SRBD1: variants seen among roughly 807,000 people sequenced by gnomAD.
The protein encoded by SRBD1 is S1 RNA binding domain 1, also known as S1 RNA-binding domain-containing protein 1.
In SRBD1, 88 loss-of-function variants were observed where a neutral mutation model predicts 115.3. The ratio of observed to expected loss-of-function variants is 0.76; its 90% confidence interval spans 0.64 to 0.91. SRBD1 has a LOEUF of 0.91. SRBD1 is among the 40% of genes least tolerant of loss of function. SRBD1 has a pLI of 0.00. For synonymous variants in SRBD1, 509 were observed against 407.7 expected (o/e 1.25, Z -2.99); for missense variants, 1,385 against 1,177.4 (o/e 1.18, Z -2.58).
chr2:45,392,735 G>A (rs1385142840), intron 20 of SRBD1, among the ~76,000 whole-genome samples: 1 of 152,178 alleles, frequency 6.6e-6, no homozygotes, highest in African/African-American at 2.4e-5. Context: ...AGTGAACAAG[G>A]GGTCCAGGGA....
chr2:45,429,503 T>C (rs1668265402), intron 16 of SRBD1, among the ~76,000 whole-genome samples: 1 of 151,950 alleles, frequency 6.6e-6, no homozygotes, highest in Non-Finnish European at 1.5e-5. Context: ...CACAAATTAC[T>C]AAACGTAATC....
At chr2:45,529,896 C>T (rs1213582682) in intron 14 of SRBD1, among the ~76,000 whole-genome samples, 1 of 151,942 alleles carries the variant, frequency 6.6e-6, no homozygotes, top group Non-Finnish European at 1.5e-5. Context: ...CATCTGTATC[C>T]CTCAAATTTT....
intron 4 of SRBD1, 41 bp downstream of exon 4, chr2:45,599,408 C>G: frequency 1.3e-6 from 2 of 1,577,724 alleles, no homozygotes; most frequent in Non-Finnish European, 1.7e-6. Context: ...AAAAAGAAAG[C>G]ACTCAAAACA....
chr2:45,492,241 T>C (rs951376267), intron 14 of SRBD1, among the ~76,000 whole-genome samples: 1 of 152,256 alleles, frequency 6.6e-6, no homozygotes, highest in African/African-American at 2.4e-5. Context: ...AGAATTGATA[T>C]CTCTACAGTT....
chr2:45,408,259 G>A (rs1667494081), intron 19 of SRBD1, among the ~76,000 whole-genome samples: 1 of 152,190 alleles, frequency 6.6e-6, no homozygotes, highest in Non-Finnish European at 1.5e-5. Context: ...GCTGAGTGAT[G>A]TTTAAACTAA....
intron 16 of SRBD1, among the ~76,000 whole-genome samples, chr2:45,455,825 C>T (rs181206079): frequency 2.0e-4 from 30 of 151,900 alleles, no homozygotes; most frequent in Admixed American, 2.0e-3. Flanking sequence ...TGGAATTAAA[C>T]AGCAAATTTT....
At position 45,578,589 on chromosome 2, in the gene SRBD1, T is replaced by C. The variant is rs145956320; in HGVS notation, c.1072+1286A>G. On this transcript the variant is annotated intron_variant, in intron 7 of 20. Transcript: ENST00000263736. The stretch of plus-strand genomic sequence containing the variant: ...AAACAGGCTATAGTATGCTATAATT[T>C]TCTACAGATTAGTACATACTGTGGA... Among the ~76,000 whole-genome samples, 350 of 152,336 alleles carry C rather than the reference T, an allele frequency of 2.3e-3. 2 individuals carry two copies. The highest frequency in any genetic ancestry group is 8.2e-3 in the African/African-American group (343 of 41,578).
intron 16 of SRBD1, among the ~76,000 whole-genome samples, chr2:45,452,402 T>A (rs1187341906): frequency 2.0e-5 from 3 of 151,974 alleles, no homozygotes; most frequent in Admixed American, 1.3e-4. Context: ...TGCCCCCAAG[T>A]AAGCATCTAA....
intron 18 of SRBD1, among the ~76,000 whole-genome samples, chr2:45,413,594 C>G (rs1241329638): frequency 6.6e-6 from 1 of 152,030 alleles, no homozygotes; most frequent in African/African-American, 2.4e-5. Context: ...AACAAGCTCT[C>G]AAAAGAATCT....
rs560999041 is a variant in SRBD1, at chr2:45,544,047, C to T, written c.1874+2685G>A. Among the ~76,000 whole-genome samples, 33 of 151,910 alleles carry T rather than the reference C, an allele frequency of 2.2e-4. No homozygotes were observed. In the East Asian group the frequency reaches 5.8e-3, roughly 27 times the overall value. On this transcript the variant is annotated intron_variant, in intron 14 of 20. Coordinates refer to ENST00000263736, the MANE Select transcript of SRBD1 (RefSeq NM_018079.5). ...AAGGCACCAAAGATCCTGGCTAATA[C>T]GGTGAAAACCCATCTCTACTAAAAA...
intron 10 of SRBD1, among the ~76,000 whole-genome samples, chr2:45,558,157 C>T (rs1338549733): frequency 2.0e-5 from 3 of 152,136 alleles, no homozygotes; most frequent in Non-Finnish European, 4.4e-5. Context: ...ACACAAAAAT[C>T]TGCAAACTCA....
rs3047186 is a variant in SRBD1, at chr2:45,432,003, GTATTTATT to G, written c.2050-12117_2050-12110del. 1.7e-3 allele frequency among the ~76,000 whole-genome samples: 237 copies of G among 142,914 alleles called. 1 individual carries two copies. The East Asian group carries it at 0.033, about 20-fold the overall frequency. The allele number at this position is 142,914 out of a possible 152,430, so 93.8% of individuals were successfully genotyped here. A position where few individuals can be genotyped will look rare whatever the true frequency, so the allele number is the denominator to read the frequency against. Reference sequence around the variant, plus strand: ...TTAGGAAAGTACTAAAGAGTTAAAAGTATTTATTTATTTATTTATTTATTTATTTATTT... The same window carrying G: ...TTAGGAAAGTACTAAAGAGTTAAAAGTATTTATTTATTTATTTATTTATTT... On this transcript the variant is annotated intron_variant, in intron 16 of 20. Transcript: ENST00000263736.
intron 16 of SRBD1, among the ~76,000 whole-genome samples, chr2:45,473,977 C>G (rs996707790): frequency 6.6e-6 from 1 of 152,160 alleles, no homozygotes; most frequent in African/African-American, 2.4e-5. Context: ...CCACCTTTTT[C>G]AGTTCAAAAC....
chr2:45,595,039 C>G (rs1044663381), intron 4 of SRBD1, among the ~76,000 whole-genome samples: 4 of 152,254 alleles, frequency 2.6e-5, no homozygotes, highest in Middle Eastern at 3.4e-3. Context: ...TAAAACCAAC[C>G]CCCCTGCTTA....
chr2:45,589,359 G>C (rs1273438665), intron 4 of SRBD1, among the ~76,000 whole-genome samples: 1 of 152,052 alleles, frequency 6.6e-6, no homozygotes, highest in African/African-American at 2.4e-5. Context: ...GGCAATAAGT[G>C]GCACCATGTT....
intron 12 of SRBD1, among the ~76,000 whole-genome samples, chr2:45,548,631 G>T (rs1053369671): frequency 2.0e-5 from 3 of 150,556 alleles, no homozygotes; most frequent in Non-Finnish European, 4.4e-5. Flanking sequence ...AGGAAAGTGT[G>T]ACTTGACATT....
At chr2:45,537,834 T>C (rs1023006853) in intron 14 of SRBD1, among the ~76,000 whole-genome samples, 1 of 151,638 alleles carries the variant, frequency 6.6e-6, no homozygotes, top group African/African-American at 2.4e-5. Context: ...CTTAGAAAAA[T>C]GAAAAGGAAG....
chr2:45,389,126 G>C lies in SRBD1; in HGVS notation c.*184C>G. 2.8e-6 allele frequency: 2 copies of C among 704,074 alleles called. No individual in the cohort carries two copies. The highest frequency in any genetic ancestry group is 4.6e-6 in the Non-Finnish European group (2 of 438,932). The allele number at this position is 704,074 out of a possible 1,614,324, so 43.6% of individuals were successfully genotyped here. ...ATTAGTTGTTTCCTTTAAGGGAAAA[G>C]GAAATCAAACTGTTGGTTTTCTATT... On this transcript the variant is annotated 3_prime_UTR_variant, in exon 21 of 21. Transcript: ENST00000263736.
intron 16 of SRBD1, among the ~76,000 whole-genome samples, chr2:45,435,878 T>C (rs531911867): frequency 2.6e-5 from 4 of 152,244 alleles, no homozygotes; most frequent in African/African-American, 7.2e-5. Flanking sequence ...TTCCAGAAAA[T>C]AGAAGCGGAG....
Sources: allele counts gnomAD v4.1 joint callset (sites outside exome capture counted in the v4.1 genomes callset), GRCh38; gene constraint gnomAD v4.1.1; transcripts MANE v1.5; gene names NCBI Gene and HGNC (gene_info 2026-07-23, HGNC 2026-07-21).